The following RFX3 variants were observed in gnomAD, a reference collection of about 807,000 sequenced individuals.
The protein encoded by RFX3 is regulatory factor X3.
Under a neutral mutation model 98.6 loss-of-function variants are expected in RFX3, and 14 were observed. The observed-to-expected ratio is 0.14, with a 90% confidence interval of 0.09 to 0.22. The LOEUF is 0.22. RFX3 is among the 10% of genes least tolerant of loss of function. RFX3 has a pLI of 1.00. For missense variants in RFX3, 639 were observed against 926.9 expected, an observed-to-expected ratio of 0.69 and a Z score of 4.03; for synonymous variants, 383 against 328.4, an observed-to-expected ratio of 1.17 and a Z score of -1.80.
At chr9:3,360,567 C>A (rs1466616155) in intron 2 of RFX3, among the ~76,000 whole-genome samples, 1 of 152,068 alleles carries the variant, frequency 6.6e-6, no homozygotes, top group East Asian at 1.9e-4. Flanking sequence ...TATTTACATT[C>A]ATAAACACTA....
At chr9:3,330,164 G>A in intron 4 of RFX3, 95 bp downstream of exon 4, 1 of 1,282,374 alleles carries the variant, frequency 7.8e-7, no homozygotes, top group East Asian at 2.5e-5. Flanking sequence ...TCTTGCCCCA[G>A]TCCCATCTGT....
intron 1 of RFX3, among the ~76,000 whole-genome samples, chr9:3,460,773 C>A (rs1397394759): frequency 6.6e-6 from 1 of 151,092 alleles, no homozygotes; most frequent in African/African-American, 2.4e-5. Context: ...CTTCAAAACA[C>A]TGTACTATTT....
At chr9:3,504,757 A>ATATAT (rs1295340148) in intron 1 of RFX3, among the ~76,000 whole-genome samples, 1,161 of 78,902 alleles carry the variant, frequency 0.015, 103 homozygotes, top group East Asian at 0.094. Flanking sequence ...TGTATATAAA[A>ATATAT]TATATGCTAT....
intron 4 of RFX3, among the ~76,000 whole-genome samples, chr9:3,318,379 G>A (rs190853706): frequency 1.3e-5 from 2 of 152,092 alleles, no homozygotes; most frequent in Admixed American, 6.5e-5. Flanking sequence ...CTGTGGGGTG[G>A]AGGGAGCGGG....
intron 4 of RFX3, among the ~76,000 whole-genome samples, chr9:3,311,012 TTTTA>T (rs1184282157): frequency 6.6e-6 from 1 of 152,174 alleles, no homozygotes; most frequent in Non-Finnish European, 1.5e-5. Flanking sequence ...CAATAAAAAG[TTTTA>T]ACTAGATAGT....
At chr9:3,416,086 T>C (rs1338065812) in intron 1 of RFX3, among the ~76,000 whole-genome samples, 7 of 152,218 alleles carry the variant, frequency 4.6e-5, no homozygotes, top group Admixed American at 3.9e-4. Flanking sequence ...GTAAGTAAAA[T>C]AAGAGCACTT....
chr9:3,479,409 A>AT (rs1295229087), intron 1 of RFX3, among the ~76,000 whole-genome samples: 1 of 152,148 alleles, frequency 6.6e-6, no homozygotes, highest in Admixed American at 6.5e-5. Context: ...ACTTAGTTTG[A>AT]TTTTTTAAAA....
At chr9:3,295,963 C>T (rs1017365329) in intron 5 of RFX3, among the ~76,000 whole-genome samples, 1 of 151,812 alleles carries the variant, frequency 6.6e-6, no homozygotes, top group Non-Finnish European at 1.5e-5. Flanking sequence ...TAAAAAACTG[C>T]CCTACTTGTG....
intron 2 of RFX3, among the ~76,000 whole-genome samples, chr9:3,351,929 T>G (rs1835184372): frequency 6.6e-6 from 1 of 151,910 alleles, no homozygotes; most frequent in South Asian, 2.1e-4. Flanking sequence ...GTGAATTTAT[T>G]CAACAAGAAA....
chr9:3,329,829 G>A (rs1268407569), intron 4 of RFX3, among the ~76,000 whole-genome samples: 1 of 152,142 alleles, frequency 6.6e-6, no homozygotes, highest in South Asian at 2.1e-4. Flanking sequence ...CTCTGGGCAT[G>A]AGCTAGCATA....
chr9:3,228,719 C>A, intron 16 of RFX3, 128 bp downstream of exon 16: 1 of 659,762 alleles, frequency 1.5e-6, no homozygotes, highest in Non-Finnish European at 2.4e-6. Flanking sequence ...CAGGAGTTTC[C>A]TATTTATCTA....
chr9:3,399,351 G>A (rs1841245525), intron 1 of RFX3, among the ~76,000 whole-genome samples: 1 of 151,846 alleles, frequency 6.6e-6, no homozygotes, highest in Admixed American at 6.6e-5. Flanking sequence ...GGCTGAGACA[G>A]GAGAATCCCT....
At chr9:3,282,729 C>A (rs982800608) in intron 7 of RFX3, among the ~76,000 whole-genome samples, 1 of 151,670 alleles carries the variant, frequency 6.6e-6, no homozygotes, top group Non-Finnish European at 1.5e-5. Context: ...TATCTCTTAC[C>A]CTTTCCCACC....
intron 1 of RFX3, among the ~76,000 whole-genome samples, chr9:3,497,126 C>T (rs1189117679): frequency 6.6e-6 from 1 of 151,920 alleles, no homozygotes; most frequent in Non-Finnish European, 1.5e-5. Flanking sequence ...TATGCCATAC[C>T]TCGTGATGTG....
chr9:3,437,003 G>C (rs1027049726), intron 1 of RFX3, among the ~76,000 whole-genome samples: 4 of 151,962 alleles, frequency 2.6e-5, no homozygotes, highest in African/African-American at 7.2e-5. Context: ...AGTTGAAATG[G>C]AAATGACAAA....
chr9:3,508,399 T>C (rs930412408), intron 1 of RFX3, among the ~76,000 whole-genome samples: 3 of 151,976 alleles, frequency 2.0e-5, no homozygotes, highest in Non-Finnish European at 4.4e-5. Flanking sequence ...ATCAGAAATA[T>C]AGTTCAATCT....
chr9:3,467,337 T>C (rs1486282732), intron 1 of RFX3, among the ~76,000 whole-genome samples: 2 of 149,074 alleles, frequency 1.3e-5, no homozygotes, highest in Admixed American at 6.8e-5. Flanking sequence ...TGTACGTGTG[T>C]GTGTGTGTAA....
intron 16 of RFX3, among the ~76,000 whole-genome samples, chr9:3,226,310 C>A (rs1817764124): frequency 1.3e-5 from 2 of 152,158 alleles, no homozygotes; most frequent in African/African-American, 4.8e-5. Context: ...GGCAGACACC[C>A]ACAGCAAAAA....
intron 2 of RFX3, among the ~76,000 whole-genome samples, chr9:3,366,701 T>C (rs1357943907): frequency 4.0e-5 from 4 of 99,836 alleles, no homozygotes; most frequent in African/African-American, 1.2e-4. Context: ...TTCCTTTCTT[T>C]CTTTCTTTCT....
Sources: allele counts gnomAD v4.1 joint callset (sites outside exome capture counted in the v4.1 genomes callset), GRCh38; gene constraint gnomAD v4.1.1; transcripts MANE v1.5; gene names NCBI Gene and HGNC (gene_info 2026-07-23, HGNC 2026-07-21).